The following TRPM3 variants were observed in gnomAD, a reference collection of about 807,000 sequenced individuals.
The protein encoded by TRPM3 is transient receptor potential cation channel subfamily M member 3.
TRPM3 carries 77 observed loss-of-function variants against 181.2 expected under a neutral mutation model. The observed-to-expected ratio is 0.42, with a 90% CI of 0.35 to 0.51. The LOEUF is 0.51. TRPM3 is among the 20% of genes least tolerant of loss of function. The pLI is 0.01. For missense variants in TRPM3, 1,759 were observed against 2,196.7 expected, an observed-to-expected ratio of 0.80 and a Z score of 3.98; for synonymous variants, 745 against 796.4, an observed-to-expected ratio of 0.94 and a Z score of 1.09.
At chr9:71,046,721 AC>A (rs1447774714) in intron 1 of TRPM3, among the ~76,000 whole-genome samples, 1 of 152,138 alleles carries the variant, frequency 6.6e-6, no homozygotes, top group South Asian at 2.1e-4. Flanking sequence ...ATACACACAA[AC>A]CCTTGAGGCC....
intron 1 of TRPM3, 131 bp downstream of exon 1, chr9:71,121,047 C>G: frequency 1.3e-6 from 1 of 798,170 alleles, no homozygotes; most frequent in Non-Finnish European, 1.9e-6. Flanking sequence ...CTCTCTCCAG[C>G]CACGGACCAC....
intron 1 of TRPM3, among the ~76,000 whole-genome samples, chr9:71,409,835 T>G (rs113427921): frequency 1.3e-5 from 2 of 151,924 alleles, no homozygotes; most frequent in African/African-American, 4.8e-5. Context: ...GCACTTATTC[T>G]AAAATTGATC....
At chr9:70,824,022 T>C (rs1488824528) in intron 6 of TRPM3, among the ~76,000 whole-genome samples, 1 of 152,214 alleles carries the variant, frequency 6.6e-6, no homozygotes, top group Non-Finnish European at 1.5e-5. Flanking sequence ...ACACTGGTGC[T>C]TGGAGTATGT....
At chr9:71,022,835 TA>T (rs573698647) in intron 1 of TRPM3, among the ~76,000 whole-genome samples, 9 of 151,762 alleles carry the variant, frequency 5.9e-5, no homozygotes, top group African/African-American at 1.9e-4. Context: ...TAAAGTATAA[TA>T]AAAAAATAAA....
At chr9:71,193,221 C>A (rs942987822) in intron 1 of TRPM3, among the ~76,000 whole-genome samples, 1 of 151,658 alleles carries the variant, frequency 6.6e-6, no homozygotes, top group Non-Finnish European at 1.5e-5. Context: ...TCATTTCCCC[C>A]ACGTGGTCAT....
At chr9:70,971,556 C>A (rs910903165) in intron 1 of TRPM3, among the ~76,000 whole-genome samples, 3 of 151,948 alleles carry the variant, frequency 2.0e-5, no homozygotes, top group Non-Finnish European at 4.4e-5. Context: ...GAAATGAATT[C>A]TTGTGAAGAA....
chr9:71,017,088 A>T (rs1428883213), intron 1 of TRPM3, among the ~76,000 whole-genome samples: 1 of 152,102 alleles, frequency 6.6e-6, no homozygotes, highest in African/African-American at 2.4e-5. Context: ...ATATTTTCAC[A>T]TTTACTGCAC....
intron 1 of TRPM3, among the ~76,000 whole-genome samples, chr9:71,287,647 A>G (rs1268684615): frequency 2.0e-5 from 3 of 151,962 alleles, no homozygotes. Context: ...GAAAAAAAAA[A>G]AAAGCCTGGA....
chr9:71,181,802 C>T (rs919592036), intron 1 of TRPM3, among the ~76,000 whole-genome samples: 6 of 152,126 alleles, frequency 3.9e-5, no homozygotes, highest in Admixed American at 1.3e-4. Context: ...AATCCTTAGA[C>T]ATAACTTTTC....
intron 1 of TRPM3, among the ~76,000 whole-genome samples, chr9:71,347,850 G>C (rs948704977): frequency 1.3e-5 from 2 of 151,678 alleles, no homozygotes; most frequent in East Asian, 1.9e-4. Flanking sequence ...CATTTATTAG[G>C]TTTTAACACC....
chr9:70,999,564 T>A (rs1259124067), intron 1 of TRPM3, among the ~76,000 whole-genome samples: 1 of 152,224 alleles, frequency 6.6e-6, no homozygotes, highest in Admixed American at 6.5e-5. Context: ...TCCAGTGTAT[T>A]ATTTCTCTGT....
rs2049506573 is a variant in TRPM3, at chr9:70,562,929, C to T, written c.3224-9619G>A. Among the ~76,000 whole-genome samples, 5 of 151,568 alleles carry T rather than the reference C, an allele frequency of 3.3e-5. No homozygotes were observed. The South Asian group carries it at 1.0e-3, about 32-fold the overall frequency. ...TGCATTAACAGCCCCAATTTCTCTC[C>T]CCTCCCTGGATCCACACTGCTTTGT... On this transcript the variant is annotated intron_variant, in intron 22 of 25. Transcript: ENST00000677713.
At chr9:71,304,749 ATAC>A (rs1332301751) in intron 1 of TRPM3, among the ~76,000 whole-genome samples, 1 of 152,226 alleles carries the variant, frequency 6.6e-6, no homozygotes. Context: ...GCGCATTTAA[ATAC>A]TACAGGATAC....
intron 1 of TRPM3, among the ~76,000 whole-genome samples, chr9:71,231,225 G>A (rs1306928617): frequency 6.6e-6 from 1 of 152,110 alleles, no homozygotes; most frequent in East Asian, 1.9e-4. Flanking sequence ...GGGAGATTAT[G>A]CTAGATTATC....
At chr9:71,015,501 T>C (rs1015055803) in intron 1 of TRPM3, among the ~76,000 whole-genome samples, 5 of 152,210 alleles carry the variant, frequency 3.3e-5, no homozygotes, top group African/African-American at 1.2e-4. Context: ...TTGGACAAGA[T>C]AAAAATCAGT....
At chr9:70,980,067 G>GCGCACACACACACA (rs142852346) in intron 1 of TRPM3, among the ~76,000 whole-genome samples, 1 of 137,888 alleles carries the variant, frequency 7.3e-6, no homozygotes, top group Admixed American at 7.3e-5. Flanking sequence ...GCATGTGCGT[G>GCGCACACACACACA]CACACACACA....
chr9:71,185,779 A>G (rs917506798), intron 1 of TRPM3, among the ~76,000 whole-genome samples: 1 of 152,074 alleles, frequency 6.6e-6, no homozygotes, highest in Non-Finnish European at 1.5e-5. Context: ...CTTGAGCTCA[A>G]TGGCCACTCT....
chr9:70,801,715 C>T (rs1347098458), intron 6 of TRPM3, among the ~76,000 whole-genome samples: 2 of 129,454 alleles, frequency 1.5e-5, no homozygotes, highest in African/African-American at 5.7e-5. Flanking sequence ...GTCTGTGAAA[C>T]AGCTACTTGC....
chr9:71,289,562 G>C (rs991315434), intron 1 of TRPM3, among the ~76,000 whole-genome samples: 3 of 152,018 alleles, frequency 2.0e-5, no homozygotes, highest in African/African-American at 7.2e-5. Flanking sequence ...ATAATATATT[G>C]TATGTTTCAA....
Sources: allele counts gnomAD v4.1 joint callset (sites outside exome capture counted in the v4.1 genomes callset), GRCh38; gene constraint gnomAD v4.1.1; transcripts MANE v1.5; gene names NCBI Gene and HGNC (gene_info 2026-07-23, HGNC 2026-07-21).